The following CC2D2A variants were observed in gnomAD, a reference collection of about 807,000 sequenced individuals.
CC2D2A encodes the protein coiled-coil and C2 domain containing 2A.
A neutral mutation model predicts 212.9 loss-of-function variants in CC2D2A; 155 were observed. The observed-to-expected ratio is 0.73, with a 90% CI of 0.64 to 0.83. CC2D2A has a LOEUF of 0.83. Among genes scored for constraint, CC2D2A ranks in the 40% least tolerant of loss-of-function variants. The pLI, the probability that CC2D2A is intolerant of heterozygous loss-of-function variation, is 0.00. For synonymous variants in CC2D2A, 667 were observed against 686.5 expected, an observed-to-expected ratio of 0.97 and a Z score of 0.44; for missense variants, 1,856 against 1,956.2, an observed-to-expected ratio of 0.95 and a Z score of 0.97.
intron 4 of CC2D2A, chr4:15,481,859 T>C (rs1003590009): frequency 2.0e-6 from 2 of 985,404 alleles, no homozygotes; most frequent in Non-Finnish European, 2.4e-6. Flanking sequence ...GTTAACCTAG[T>C]GAGGCTTGAA....
At chr4:15,499,276 G>T in intron 4 of CC2D2A, among the ~76,000 whole-genome samples, 1 of 152,252 alleles carries the variant, frequency 6.6e-6, no homozygotes, top group South Asian at 2.1e-4. Context: ...GGTGATTGAT[G>T]CGTCAATGAA....
intron 12 of CC2D2A, among the ~76,000 whole-genome samples, 174 bp downstream of exon 12, chr4:15,527,830 T>C (rs548677834): frequency 2.0e-5 from 3 of 152,348 alleles, no homozygotes; most frequent in African/African-American, 7.2e-5. Flanking sequence ...AGAGTTGGTA[T>C]ACATGTGATG....
At chr4:15,479,534 C>T (rs949173093) in intron 3 of CC2D2A, among the ~76,000 whole-genome samples, 1 of 152,074 alleles carries the variant, frequency 6.6e-6, no homozygotes, top group Non-Finnish European at 1.5e-5. Flanking sequence ...AAGAGACCTC[C>T]CTCCTAGCTC....
chr4:15,539,933 C>T (rs1718334259), intron 16 of CC2D2A, among the ~76,000 whole-genome samples: 1 of 152,094 alleles, frequency 6.6e-6, no homozygotes, highest in Admixed American at 6.5e-5. Flanking sequence ...AAAACTACCA[C>T]CCCCTTTAAT....
In CC2D2A at chr4:15,538,099, C is replaced by G. The variant is rs895786252; in HGVS notation, c.1965C>G (p.Ser655Arg). Residue 655 changes from serine (S) to arginine (R), a missense_variant, in exon 16 of 37, where the codon AGC (serine) becomes AGG (arginine). Ser to Arg is a moderately radical substitution (Grantham distance 110). Around this residue, in one of 5 missense-constraint regions of CC2D2A, gnomAD observed 1,512 missense variants for 1,579.3 expected, o/e 0.96. Coordinates refer to ENST00000424120, the MANE Select transcript of CC2D2A (RefSeq NM_001378615.1). ...PWEPTLVPEL[S>R]LAGSVTPNDQ... is the part of the protein sequence containing the mutation. Reference sequence around the variant, plus strand: ...AGCCCACGCTGGTCCCGGAGCTAAGCCTGGCAGGAAGCGTAACACCCAATG... The same window carrying G: ...AGCCCACGCTGGTCCCGGAGCTAAGGCTGGCAGGAAGCGTAACACCCAATG... The G allele has an allele frequency of 6.2e-7, 1 of 1,601,852 alleles. No individual in the cohort carries two copies. Among genetic ancestry groups the G allele is most frequent in the Non-Finnish European group, 8.5e-7 (1 of 1,173,836 alleles).
chr4:15,592,142 C>T (rs577013288), intron 33 of CC2D2A, among the ~76,000 whole-genome samples: 2 of 152,310 alleles, frequency 1.3e-5, no homozygotes, highest in Admixed American at 6.5e-5. Flanking sequence ...TCCCTTTCCA[C>T]TGTGCTTGTT....
intron 30 of CC2D2A, among the ~76,000 whole-genome samples, chr4:15,582,007 T>C (rs1029848250): frequency 6.6e-5 from 10 of 152,248 alleles, no homozygotes; most frequent in Admixed American, 6.5e-4. Flanking sequence ...AATCAGGCCA[T>C]AGTAACTCCA....
chr4:15,475,317 G>GA (rs1714122937), intron 1 of CC2D2A, among the ~76,000 whole-genome samples: 1 of 151,768 alleles, frequency 6.6e-6, no homozygotes, highest in Non-Finnish European at 1.5e-5. Flanking sequence ...TTAAAGGAAG[G>GA]AAAAAATTAC....
At chr4:15,482,275 T>G (rs1322385801) in intron 4 of CC2D2A, 2 of 983,714 alleles carry the variant, frequency 2.0e-6, no homozygotes, top group Non-Finnish European at 2.4e-6. Flanking sequence ...CTCATATGGC[T>G]GTTTCTTTTT....
intron 4 of CC2D2A, among the ~76,000 whole-genome samples, chr4:15,486,823 C>T (rs994167181): frequency 6.6e-6 from 1 of 151,852 alleles, no homozygotes; most frequent in African/African-American, 2.4e-5. Flanking sequence ...TTTTGCTATA[C>T]CCTATAGGTT....
intron 11 of CC2D2A, among the ~76,000 whole-genome samples, chr4:15,517,533 A>G (rs1168970823): frequency 6.6e-6 from 1 of 152,174 alleles, no homozygotes; most frequent in Non-Finnish European, 1.5e-5. Flanking sequence ...GAACTTGGCC[A>G]TTAGTCTCTC....
At chr4:15,526,723 C>T (rs181276876) in intron 11 of CC2D2A, among the ~76,000 whole-genome samples, 1 of 152,256 alleles carries the variant, frequency 6.6e-6, no homozygotes, top group African/African-American at 2.4e-5. Flanking sequence ...AAGATGTCTC[C>T]TCTCCACCCT....
Position 15,502,836 on chromosome 4 carries a change from T to C in CC2D2A, c.351T>C (p.Ser117=), listed in dbSNP as rs186264635. The C allele has an allele frequency of 3.1e-6, 5 of 1,610,406 alleles. No individual in the cohort carries two copies. Among genetic ancestry groups the C allele is most frequent in the Admixed American group, 1.7e-5 (1 of 59,574 alleles). The change falls in exon 6 of 37, where the codon AGT becomes AGC. Residue 117 remains serine, a synonymous_variant. Coordinates refer to ENST00000424120, the MANE Select transcript of CC2D2A (RefSeq NM_001378615.1). ...KLQAARSKAE[S]ALLQEIPTPR... is the part of the protein sequence containing the mutation. Reference sequence around the variant, plus strand: ...TGACTTTTTAGTCCAAAGCAGAAAGTGCATTGCTGCAGGAAATCCCCACTC... The same window carrying C: ...TGACTTTTTAGTCCAAAGCAGAAAGCGCATTGCTGCAGGAAATCCCCACTC...
At chr4:15,474,677 C>T (rs1259990729) in intron 1 of CC2D2A, among the ~76,000 whole-genome samples, 1 of 152,090 alleles carries the variant, frequency 6.6e-6, no homozygotes, top group Non-Finnish European at 1.5e-5. Context: ...GCTTTGCATG[C>T]CTGTACCAAA....
intron 4 of CC2D2A, among the ~76,000 whole-genome samples, chr4:15,497,862 G>A (rs1288199994): frequency 6.6e-6 from 1 of 152,160 alleles, no homozygotes. Flanking sequence ...GTGGTATATG[G>A]CTTATATGTC....
chr4:15,579,350 T>C (rs1720554030), intron 29 of CC2D2A, among the ~76,000 whole-genome samples: 1 of 152,026 alleles, frequency 6.6e-6, no homozygotes. Flanking sequence ...AGTCTGGGAA[T>C]TGTTTGCTCA....
chr4:15,553,367 G>A, intron 19 of CC2D2A, 62 bp downstream of exon 19: 2 of 1,536,406 alleles, frequency 1.3e-6, no homozygotes, highest in South Asian at 2.4e-5. Flanking sequence ...GATACCCAAG[G>A]GGAAAGAAAG....
At chr4:15,511,202 C>T (rs919130993) in intron 7 of CC2D2A, 45 bp from the exon 8 acceptor site, 8 of 1,549,048 alleles carry the variant, frequency 5.2e-6, no homozygotes, top group Non-Finnish European at 7.0e-6. Flanking sequence ...GAGCGCATTA[C>T]AGCTTATAAA....
chr4:15,568,944 C>G (rs1720029518), intron 26 of CC2D2A, among the ~76,000 whole-genome samples: 1 of 152,172 alleles, frequency 6.6e-6, no homozygotes, highest in Admixed American at 6.5e-5. Flanking sequence ...AGTCCATATA[C>G]TAGCTCCAGT....
Sources: gnomAD v4.1 joint callset for allele counts (sites outside exome capture counted in the v4.1 genomes callset) on GRCh38, gnomAD v4.1.1 for gene constraint, gnomAD v4.1.1 regional missense constraint, MANE v1.5 for transcripts, NCBI Gene and HGNC (gene_info 2026-07-23, HGNC 2026-07-21) for gene names.